Variants in C18orf54 observed in about 807,000 individuals in gnomAD.
The protein encoded by C18orf54 is lung adenoma susceptibility protein 2.
Under a neutral mutation model 49.3 loss-of-function variants are expected in C18orf54, and 49 were observed. The observed-to-expected ratio is 0.99, with a 90% confidence interval of 0.79 to 1.26. The LOEUF (loss-of-function observed/expected upper bound fraction) is 1.26. C18orf54 is among the 50% of genes most tolerant of loss of function. The pLI is 0.00. For missense variants in C18orf54, 687 were observed against 620.6 expected, an observed-to-expected ratio of 1.11 and a Z score of -1.14; for synonymous variants, 211 against 216.6, an observed-to-expected ratio of 0.97 and a Z score of 0.23.
rs1159440752 is a variant in C18orf54 at position 54,380,008 on chromosome 18, A to G, written c.*1762A>G. On this transcript the variant is annotated 3_prime_UTR_variant, in exon 9 of 9. Coordinates refer to ENST00000620105, the MANE Select transcript of C18orf54 (RefSeq NM_001288980.2). Reference sequence around the variant, plus strand: ...TTTAAGAAACTTGATTATACTTACCAAAGGAACATTGTTTGTTTTCTCTTG... The same window carrying G: ...TTTAAGAAACTTGATTATACTTACCGAAGGAACATTGTTTGTTTTCTCTTG... 1.3e-5 allele frequency: 2 copies of G among 152,102 alleles called. No homozygotes were observed. The highest frequency in any genetic ancestry group is 2.9e-5 in the Non-Finnish European group (2 of 67,948). The allele number at this position is 152,102 out of a possible 1,614,324, so 9.4% of individuals were successfully genotyped here. A position where few individuals can be genotyped will look rare whatever the true frequency, so the allele number is the denominator to read the frequency against.
intron 6 of C18orf54, among the ~76,000 whole-genome samples, chr18:54,368,958 G>A (rs150022348): frequency 7.3e-4 from 111 of 152,286 alleles, no homozygotes; most frequent in African/African-American, 2.6e-3. Flanking sequence ...GTTCCTTCAT[G>A]TTGGCTCCTG....
rs2089677722 is a variant in C18orf54 at position 54,381,757 on chromosome 18, CT to C, written c.*3512del. 6.6e-6 allele frequency: 1 copy of C among 152,154 alleles called. No individual in the cohort carries two copies. Among genetic ancestry groups the C allele is most frequent in the South Asian group, 2.1e-4 (1 of 4,832 alleles). 9.4% of individuals were successfully genotyped at this position (152,154 alleles called of 1,614,324 possible). ...AAGTTGGCTTTTCTTTTTCCTCCCC[CT>C]GTCATTCATTTAGCTGTTATATTTC... On this transcript the variant is annotated 3_prime_UTR_variant, in exon 9 of 9. Coordinates refer to ENST00000620105, the MANE Select transcript of C18orf54 (RefSeq NM_001288980.2).
chr18:54,363,789 CAG>C (rs1463611534), intron 5 of C18orf54: 1 of 147,910 alleles, frequency 6.8e-6, no homozygotes, highest in East Asian at 2.0e-4. Context: ...CTGTTATAGA[CAG>C]AGTCTATTAG....
At chr18:54,359,285 T>C (rs1406148315) in intron 2 of C18orf54, among the ~76,000 whole-genome samples, 1 of 152,226 alleles carries the variant, frequency 6.6e-6, no homozygotes, top group Non-Finnish European at 1.5e-5. Flanking sequence ...AGTTTAAACT[T>C]CTTTAAATAA....
rs1220983035 is a variant in C18orf54, at chr18:54,361,764, A to C, written c.405A>C (p.Gly135=). 2 of 1,614,134 alleles carry C rather than the reference A, an allele frequency of 1.2e-6. No homozygotes were observed. The highest frequency in any genetic ancestry group is 2.2e-5 in the South Asian group (2 of 91,086). ...ATCTATTAAGACTCCCAGCAGATGGATCATTTTCTTATACTTATGTTGGAC... is the reference window on the plus strand; with the variant it reads ...ATCTATTAAGACTCCCAGCAGATGGCTCATTTTCTTATACTTATGTTGGAC... The part of the protein sequence containing the change: ...TDDLLRLPAD[G]SFSYTYVGPS... The change falls in exon 4 of 9, where the codon GGA becomes GGC. Residue 135 remains glycine (G), a synonymous_variant. Transcript: ENST00000620105.
intron 5 of C18orf54, 37 bp downstream of exon 5, chr18:54,362,958 C>G: frequency 6.4e-7 from 1 of 1,555,608 alleles, no homozygotes; most frequent in Non-Finnish European, 8.7e-7. Flanking sequence ...TTTAGTTTTC[C>G]AAATGAAAAA....
At position 54,365,761 on chromosome 18, in the gene C18orf54, A is replaced by C. The variant is rs1392779954; in HGVS notation, c.1266A>C (p.Gln422His). 1 of 1,601,608 alleles carries C rather than the reference A, an allele frequency of 6.2e-7. No homozygotes were observed. The highest frequency in any genetic ancestry group is 1.3e-5 in the African/African-American group (1 of 74,760). The change falls in exon 6 of 9, where the codon CAA becomes CAC. Residue 422 changes from glutamine (Q) to histidine (H), a missense_variant. Gln to His is a conservative substitution (Grantham distance 24). Transcript: ENST00000620105. ...VPVNSDDSPQ[Q>H]TSRAKSAKGV... ...TTAACTCTGATGATAGTCCTCAACA[A>C]ACTTCAAGGGCAAAGAGTGCTAAAG... is the stretch of plus-strand genomic sequence containing the variant.
chr18:54,378,058 A>T, intron 8 of C18orf54, 116 bp from the exon 9 acceptor site: 1 of 557,836 alleles, frequency 1.8e-6, no homozygotes, highest in Non-Finnish European at 2.9e-6. Flanking sequence ...ATATAAATTT[A>T]CTTCTCATAC....
intron 5 of C18orf54, chr18:54,363,857 G>A (rs2089323188): frequency 6.6e-6 from 1 of 151,410 alleles, no homozygotes; most frequent in South Asian, 2.1e-4. Flanking sequence ...TCAGAATGTA[G>A]GCATTGACTA....
rs1291333543 is a variant in C18orf54 at position 54,378,347 on chromosome 18, AT to A, written c.*105del. The stretch of plus-strand genomic sequence containing the variant: ...ACAAAGTAAATATAAGCCATACATT[AT>A]TTTGTGGTTGGTTCAAGGATTATAT... On this transcript the variant is annotated 3_prime_UTR_variant, in exon 9 of 9. Coordinates refer to ENST00000620105, the MANE Select transcript of C18orf54 (RefSeq NM_001288980.2). 5 of 1,054,748 alleles carry A rather than the reference AT, an allele frequency of 4.7e-6. No homozygotes were observed. The highest frequency in any genetic ancestry group is 1.5e-5 in the South Asian group (1 of 65,556). The allele number at this position is 1,054,748 out of a possible 1,614,324, so 65.3% of individuals were successfully genotyped here.
chr18:54,373,388 AC>A (rs1413216685), intron 7 of C18orf54, among the ~76,000 whole-genome samples: 3 of 151,748 alleles, frequency 2.0e-5, no homozygotes, highest in Non-Finnish European at 4.4e-5. Context: ...TACCTCACAT[AC>A]TTTTTGTGGA....
At chr18:54,362,996 A>G in intron 5 of C18orf54, 75 bp downstream of exon 5, 5 of 1,362,978 alleles carry the variant, frequency 3.7e-6, no homozygotes, top group Admixed American at 2.3e-5. Flanking sequence ...ATTTATATTT[A>G]AACGAACGGT....
chr18:54,360,956 G>T, intron 3 of C18orf54, 101 bp downstream of exon 3: 3 of 1,177,422 alleles, frequency 2.5e-6, no homozygotes, highest in Non-Finnish European at 2.4e-6. Flanking sequence ...TGTTACTTTG[G>T]AGTAAAAATA....
rs962224523 is a variant in C18orf54, at chr18:54,363,734, T to C, written c.1223+813T>C. 1.6e-4 allele frequency among the ~76,000 whole-genome samples: 25 copies of C among 152,226 alleles called. 1 individual carries two copies. Among genetic ancestry groups the C allele is most frequent in the Non-Finnish European group, 4.4e-5 (3 of 68,034 alleles). ...ATTATTGCTAACCCCATATCATGCC[T>C]TAGGCTTTGATAATTTATTATCTTT... On this transcript the variant is annotated intron_variant, in intron 5 of 8. Transcript: ENST00000620105.
rs763426642 is a variant in C18orf54, at chr18:54,360,667, C to T, written c.95C>T (p.Ser32Phe). 6.2e-6 allele frequency: 10 copies of T among 1,613,976 alleles called. No individual in the cohort carries two copies. Among genetic ancestry groups the T allele is most frequent in the Admixed American group, 1.7e-5 (1 of 60,004 alleles). ...TGCACCCTGAGTGGTAGTAATTCCT[C>T]TAATTCTGATGGCTCGTTTCACTAT... is the stretch of plus-strand genomic sequence containing the variant. ...ASCTLSGSNS[S>F]NSDGSFHYKD... Residue 32 changes from serine (S) to phenylalanine (F), a missense_variant, in exon 3 of 9, where the codon TCT (serine) becomes TTT (phenylalanine). Coordinates refer to ENST00000620105, the MANE Select transcript of C18orf54 (RefSeq NM_001288980.2).
At position 54,374,251 on chromosome 18, in the gene C18orf54, A is replaced by G; in HGVS notation, c.1496A>G (p.Glu499Gly). The change falls in exon 8 of 9, where the codon GAA becomes GGA. Residue 499 changes from glutamate (E) to glycine (G), a missense_variant. By Grantham distance (98) the Glu-to-Gly change is moderately conservative (BLOSUM62 -2). Transcript: ENST00000620105. The stretch of plus-strand genomic sequence containing the variant: ...GATTTCTCTAAATTACAGTTGAAGG[A>G]AAGTATGATTCCTATTACTAGGTCA... ...EDDFSKLQLK[E>G]SMIPITRSLQ... The G allele has an allele frequency of 2.5e-6, 4 of 1,586,058 alleles. No homozygotes were observed. The East Asian group carries it at 9.1e-5, about 36-fold the overall frequency.
At chr18:54,367,934 CGG>C (rs1568186684) in intron 6 of C18orf54, among the ~76,000 whole-genome samples, 23 of 152,044 alleles carry the variant, frequency 1.5e-4, no homozygotes, top group African/African-American at 4.3e-4. Context: ...TCCTCAAGTT[CGG>C]AGATTCTTTT....
At position 54,380,343 on chromosome 18, in the gene C18orf54, TCCTTTG is replaced by T. The variant is rs961646323; in HGVS notation, c.*2099_*2104del. The T allele has an allele frequency of 1.2e-4, 18 of 149,720 alleles. No homozygotes were observed. The highest frequency in any genetic ancestry group is 4.2e-4 in the African/African-American group (17 of 40,944). 9.3% of individuals were successfully genotyped at this position (149,720 alleles called of 1,614,324 possible). ...ATTGTGAATGTAAAATTTTTATCAATCCTTTGCTCTCTTTTAGACATATTGAGAAAA... is the reference window on the plus strand; with the variant it reads ...ATTGTGAATGTAAAATTTTTATCAATCTCTCTTTTAGACATATTGAGAAAA... On this transcript the variant is annotated 3_prime_UTR_variant, in exon 9 of 9. Coordinates refer to ENST00000620105, the MANE Select transcript of C18orf54 (RefSeq NM_001288980.2).
At chr18:54,367,481 A>G (rs908201878) in intron 6 of C18orf54, among the ~76,000 whole-genome samples, 1 of 152,108 alleles carries the variant, frequency 6.6e-6, no homozygotes, top group African/African-American at 2.4e-5. Flanking sequence ...TTCTGAAGGA[A>G]AGCTTTGCTC....
Sources: allele counts gnomAD v4.1 joint callset (sites outside exome capture counted in the v4.1 genomes callset), GRCh38; gene constraint gnomAD v4.1.1; transcripts MANE v1.5; gene names NCBI Gene and HGNC (gene_info 2026-07-23, HGNC 2026-07-21).